LRGUK: variants seen among roughly 807,000 people sequenced by gnomAD.
LRGUK encodes the protein leucine-rich repeat and guanylate kinase domain-containing protein.
LRGUK carries 65 observed loss-of-function variants against 76.0 expected under a neutral mutation model. That is an observed-to-expected ratio of 0.85 (90% CI 0.70 to 1.05). LRGUK has a LOEUF of 1.05. Ranked by LOEUF, LRGUK falls within the 50% of genes least tolerant of loss-of-function variation. The pLI, the probability that LRGUK is intolerant of heterozygous loss-of-function variation, is 0.00. For missense variants in LRGUK, 758 were observed against 732.8 expected (o/e 1.03, Z -0.40); for synonymous variants, 268 against 265.6 (o/e 1.01, Z -0.09).
At position 134,191,821 on chromosome 7, in the gene LRGUK, G is replaced by T. The variant is rs911976874; in HGVS notation, c.1431+70G>T. On this transcript the variant is annotated intron_variant, in intron 12 of 15. Coordinates refer to ENST00000645682, the Ensembl canonical transcript of LRGUK. ...TCTCTGGCAAAAATGTTAGGAAATA[G>T]TTATAAATAAAAAAAGGAAGAATTA... 172 of 1,029,910 alleles carry T rather than the reference G, an allele frequency of 1.7e-4. 1 individual carries two copies. In the African/African-American group the frequency reaches 2.7e-3, roughly 16 times the overall value. 63.8% of individuals were successfully genotyped at this position (1,029,910 alleles called of 1,614,324 possible).
chr7:134,161,117 C>T (rs1798713155), intron 6 of LRGUK, among the ~76,000 whole-genome samples: 1 of 152,114 alleles, frequency 6.6e-6, no homozygotes, highest in East Asian at 1.9e-4. Context: ...TCTACCACAC[C>T]TAAGGGACTT....
In LRGUK at chr7:134,221,638, A is replaced by T. The variant is rs543489121; in HGVS notation, c.1844-141A>T. On this transcript the variant is annotated intron_variant, in intron 15 of 19. Transcript: ENST00000285928. ...TTATTTTATTCTAAGATATATTTTT[A>T]TTTTATTTTAAAGTTGAAATGCGCA... 7 of 520,390 alleles carry T rather than the reference A, an allele frequency of 1.3e-5. 1 individual carries two copies. The highest frequency in any genetic ancestry group is 9.9e-5 in the South Asian group (2 of 20,160). The allele number at this position is 520,390 out of a possible 1,614,324, so 32.2% of individuals were successfully genotyped here.
chr7:134,245,203 A>G (rs1802270511), intron 16 of LRGUK, among the ~76,000 whole-genome samples: 1 of 152,176 alleles, frequency 6.6e-6, no homozygotes, highest in Admixed American at 6.5e-5. Context: ...ACAAACAAAA[A>G]ACAAAACAAA....
rs142819192 is a variant in LRGUK at position 134,263,933 on chromosome 7, C to T, written c.2436C>T (p.Asn812=). The T allele has an allele frequency of 4.2e-5, 68 of 1,612,802 alleles. No homozygotes were observed. In the African/African-American group the frequency reaches 5.6e-4, roughly 13 times the overall value. Residue 812 remains asparagine (N), a synonymous_variant, in exon 20 of 20, where the codon AAC becomes AAT. Transcript: ENST00000285928. ...CAGTCATCAGTCGCCCAGGTTCCAACGTCAAACCCACCCTCCCTCCAATCC... is the reference window on the plus strand; with the variant it reads ...CAGTCATCAGTCGCCCAGGTTCCAATGTCAAACCCACCCTCCCTCCAATCC...
chr7:134,127,418 G>C, exon 1 of LRGUK: 1 of 1,614,014 alleles, frequency 6.2e-7, no homozygotes, highest in Non-Finnish European at 8.5e-7. Flanking sequence ...CCTCTCTCCT[G>C]AGAGGCTTGG....
chr7:134,234,173 C>G (rs886320410), intron 16 of LRGUK, among the ~76,000 whole-genome samples: 1 of 152,138 alleles, frequency 6.6e-6, no homozygotes, highest in African/African-American at 2.4e-5. Flanking sequence ...ATCAGCATCT[C>G]AAAGCTGTTC....
chr7:134,205,917 A>G (rs1288099656), intron 15 of LRGUK, among the ~76,000 whole-genome samples: 1 of 152,260 alleles, frequency 6.6e-6, no homozygotes, highest in African/African-American at 2.4e-5. Flanking sequence ...CAATGCAAAC[A>G]GAAAAGTATT....
chr7:134,156,654 A>G (rs1798472601), intron 5 of LRGUK, among the ~76,000 whole-genome samples: 1 of 152,210 alleles, frequency 6.6e-6, no homozygotes, highest in African/African-American at 2.4e-5. Flanking sequence ...TTTTGTTTAT[A>G]GTGAAGGGCC....
intron 5 of LRGUK, among the ~76,000 whole-genome samples, chr7:134,148,660 T>C (rs1053763469): frequency 6.6e-6 from 1 of 152,200 alleles, no homozygotes; most frequent in Non-Finnish European, 1.5e-5. Context: ...GTGCGTTGGC[T>C]CACACCTGTA....
At chr7:134,237,416 A>C (rs1802043384) in intron 16 of LRGUK, among the ~76,000 whole-genome samples, 2 of 152,176 alleles carry the variant, frequency 1.3e-5, no homozygotes, top group South Asian at 4.1e-4. Flanking sequence ...AGTTAATATT[A>C]AATTATCATT....
At chr7:134,187,088 G>A (rs1234367514) in intron 11 of LRGUK, among the ~76,000 whole-genome samples, 3 of 151,948 alleles carry the variant, frequency 2.0e-5, no homozygotes, top group Admixed American at 6.6e-5. Flanking sequence ...ACTATGCATC[G>A]GATGGAAAAG....
chr7:134,213,575 G>A (rs187508485), downstream of LRGUK, among the ~76,000 whole-genome samples: 424 of 152,232 alleles, frequency 2.8e-3, 1 homozygote, highest in Non-Finnish European at 4.4e-3. Context: ...CTCTTCGGGC[G>A]CCTGTTTCTG....
chr7:134,145,257 T>G (rs1797921134), intron 4 of LRGUK, among the ~76,000 whole-genome samples: 1 of 151,804 alleles, frequency 6.6e-6, no homozygotes, highest in Non-Finnish European at 1.5e-5. Flanking sequence ...TTTCTTTTCT[T>G]TTTTTTTAAG....
intron 16 of LRGUK, among the ~76,000 whole-genome samples, chr7:134,238,706 A>G (rs890031680): frequency 2.3e-4 from 35 of 152,012 alleles, no homozygotes; most frequent in South Asian, 2.1e-4. Context: ...CTGGTTTTAT[A>G]TGAAAGCTTT....
intron 1 of LRGUK, among the ~76,000 whole-genome samples, chr7:134,136,031 C>A (rs752460578): frequency 4.6e-5 from 7 of 152,182 alleles, no homozygotes; most frequent in Non-Finnish European, 1.0e-4. Flanking sequence ...TTGTTGGTTC[C>A]TGAATTCATA....
intron 16 of LRGUK, among the ~76,000 whole-genome samples, chr7:134,224,043 C>G (rs1201703454): frequency 6.6e-6 from 1 of 152,190 alleles, no homozygotes; most frequent in African/African-American, 2.4e-5. Context: ...TCCTTCCAGT[C>G]CTGGGAAATC....
At chr7:134,228,509 G>C (rs541502973) in intron 16 of LRGUK, among the ~76,000 whole-genome samples, 1 of 151,988 alleles carries the variant, frequency 6.6e-6, no homozygotes, top group Admixed American at 6.5e-5. Flanking sequence ...ACAATACATG[G>C]AATTAAAATG....
chr7:134,145,667 G>A lies in LRGUK; in HGVS notation c.588+2505G>A, dbSNP rs376447852. Reference sequence around the variant, plus strand: ...AACTTCACCTTTGCTGGGAGGCAGCGGAACTGGGATTGAACCCACTGTCTG... The same window carrying A: ...AACTTCACCTTTGCTGGGAGGCAGCAGAACTGGGATTGAACCCACTGTCTG... On this transcript the variant is annotated intron_variant, in intron 4 of 15. Transcript: ENST00000645682. Among the ~76,000 whole-genome samples, 19 of 152,276 alleles carry A rather than the reference G, an allele frequency of 1.2e-4. No homozygotes were observed. The East Asian group carries it at 2.9e-3, about 23-fold the overall frequency.
At chr7:134,191,561 A>T in intron 11 of LRGUK, 94 bp from the exon 12 acceptor site, 1 of 855,212 alleles carries the variant, frequency 1.2e-6, no homozygotes, top group Non-Finnish European at 1.9e-6. Flanking sequence ...TTTGTGGATT[A>T]ACTTCATTTT....
Sources: gnomAD v4.1 joint callset for allele counts (sites outside exome capture counted in the v4.1 genomes callset) on GRCh38, gnomAD v4.1.1 for gene constraint, MANE v1.5 for transcripts, NCBI Gene and HGNC (gene_info 2026-07-23, HGNC 2026-07-21) for gene names.